MTA3: variants seen among roughly 807,000 people sequenced by gnomAD.
MTA3 encodes metastasis associated 1 family member 3, also known as metastasis-associated protein MTA3.
A neutral mutation model predicts 83.5 loss-of-function variants in MTA3; 34 were observed. The ratio of observed to expected loss-of-function variants is 0.41; its 90% CI spans 0.31 to 0.54. The LOEUF (loss-of-function observed/expected upper bound fraction) is 0.54. Among genes scored for constraint, MTA3 ranks in the 20% least tolerant of loss-of-function variants. MTA3 has a pLI of 0.33. For synonymous variants in MTA3, 303 were observed against 252.7 expected (o/e 1.20, Z -1.89); for missense variants, 761 against 726.4 (o/e 1.05, Z -0.55).
chr2:42,697,601 A>G (rs1392359632), intron 10 of MTA3, among the ~76,000 whole-genome samples, 175 bp from the exon 11 acceptor site: 1 of 152,204 alleles, frequency 6.6e-6, no homozygotes, highest in East Asian at 1.9e-4. Flanking sequence ...CACAGAATCT[A>G]GTGACTTTTC....
chr2:42,623,446 G>T (rs1379547067), intron 4 of MTA3, among the ~76,000 whole-genome samples: 2 of 152,170 alleles, frequency 1.3e-5, no homozygotes, highest in Non-Finnish European at 2.9e-5. Context: ...ATGTCACGCC[G>T]CTGTCTTTGG....
At chr2:42,607,853 AG>A (rs1489023489) in intron 3 of MTA3, among the ~76,000 whole-genome samples, 1 of 152,190 alleles carries the variant, frequency 6.6e-6, no homozygotes, top group Non-Finnish European at 1.5e-5. Context: ...CAGGAGGCTG[AG>A]GCAGGAGAAT....
intron 11 of MTA3, among the ~76,000 whole-genome samples, chr2:42,700,690 TA>T (rs545835439): frequency 8.9e-4 from 136 of 152,276 alleles, no homozygotes; most frequent in African/African-American, 3.1e-3. Context: ...AGTAGATTTT[TA>T]AAAAAAGGAA....
At chr2:42,509,573 C>T (rs574725876) in intron 2 of MTA3, among the ~76,000 whole-genome samples, 1 of 152,016 alleles carries the variant, frequency 6.6e-6, no homozygotes, top group South Asian at 2.1e-4. Flanking sequence ...TGTTTGAGAC[C>T]AGTATGGGCA....
At chr2:42,574,057 C>T (rs570548951) in intron 2 of MTA3, among the ~76,000 whole-genome samples, 32 of 150,098 alleles carry the variant, frequency 2.1e-4, no homozygotes, top group African/African-American at 6.4e-4. Context: ...AGGATGGTCT[C>T]GATCTCCTGA....
intron 2 of MTA3, among the ~76,000 whole-genome samples, chr2:42,498,241 G>C (rs1674235379): frequency 6.6e-6 from 1 of 152,202 alleles, no homozygotes; most frequent in Admixed American, 6.5e-5. Flanking sequence ...TTTAAAGACA[G>C]CTTTTCGAAT....
rs566602218 is a variant in MTA3 at position 42,745,526 on chromosome 2, C to T, written c.1760-7848C>T. Among the ~76,000 whole-genome samples, 12 of 152,242 alleles carry T rather than the reference C, an allele frequency of 7.9e-5. No individual in the cohort carries two copies. The East Asian group carries it at 1.9e-3, about 24-fold the overall frequency. ...CTACTTTCTGGGAGACTTTCTCAAC[C>T]TTTTTAAAAAATAGTTTTTAAAATT... On this transcript the variant is annotated intron_variant, in intron 16 of 16. Transcript: ENST00000405094.
intron 8 of MTA3, among the ~76,000 whole-genome samples, chr2:42,662,004 T>A: frequency 6.6e-6 from 1 of 152,316 alleles, no homozygotes; most frequent in South Asian, 2.1e-4. Flanking sequence ...TTGTATTATT[T>A]ATTATTCCAA....
At chr2:42,586,157 A>G (rs936560605) in intron 3 of MTA3, among the ~76,000 whole-genome samples, 2 of 151,828 alleles carry the variant, frequency 1.3e-5, no homozygotes, top group African/African-American at 4.8e-5. Flanking sequence ...CATGCCTGTA[A>G]TTCCAGCTGC....
chr2:42,748,771 G>A (rs1669639003), intron 16 of MTA3, among the ~76,000 whole-genome samples: 1 of 152,134 alleles, frequency 6.6e-6, no homozygotes, highest in Non-Finnish European at 1.5e-5. Flanking sequence ...TGCATACTGG[G>A]TCAGTGTGAA....
At chr2:42,741,880 G>C (rs1669060929) in intron 16 of MTA3, among the ~76,000 whole-genome samples, 2 of 152,270 alleles carry the variant, frequency 1.3e-5, no homozygotes, top group African/African-American at 4.8e-5. Flanking sequence ...AGAGACATTA[G>C]GTGAGCACGT....
chr2:42,516,879 C>CTT (rs1675168655), intron 2 of MTA3, among the ~76,000 whole-genome samples: 1 of 152,170 alleles, frequency 6.6e-6, no homozygotes, highest in African/African-American at 2.4e-5. Context: ...CGTCACAGCA[C>CTT]TTTGAGAGGC....
chr2:42,608,654 A>C (rs1174729206), intron 3 of MTA3, among the ~76,000 whole-genome samples: 9 of 152,130 alleles, frequency 5.9e-5, no homozygotes, highest in Non-Finnish European at 1.3e-4. Context: ...AGGCCAAAGC[A>C]GGCAGATCAC....
intron 16 of MTA3, among the ~76,000 whole-genome samples, chr2:42,752,848 C>T (rs879520753): frequency 2.6e-5 from 4 of 152,228 alleles, no homozygotes; most frequent in African/African-American, 4.8e-5. Context: ...AAGATCTTTC[C>T]GTCCTTCAGT....
chr2:42,584,984 T>G (rs1334253007), intron 3 of MTA3, among the ~76,000 whole-genome samples: 2 of 151,732 alleles, frequency 1.3e-5, no homozygotes, highest in Non-Finnish European at 2.9e-5. Context: ...TAGGCTTGAG[T>G]GCAGTGGCAC....
At chr2:42,636,386 A>T (rs961169817) in intron 4 of MTA3, among the ~76,000 whole-genome samples, 81 of 151,932 alleles carry the variant, frequency 5.3e-4, no homozygotes, top group Non-Finnish European at 1.1e-3. Flanking sequence ...CAAAGAATTT[A>T]AAAAAAATTA....
chr2:42,628,601 C>T (rs1303054136), intron 4 of MTA3, among the ~76,000 whole-genome samples: 1 of 152,158 alleles, frequency 6.6e-6, no homozygotes, highest in Non-Finnish European at 1.5e-5. Flanking sequence ...TCATTTAATT[C>T]ATTATTCTGT....
chr2:42,555,140 A>C (rs902123947), intron 2 of MTA3, among the ~76,000 whole-genome samples: 1 of 150,798 alleles, frequency 6.6e-6, no homozygotes, highest in African/African-American at 2.4e-5. Context: ...GGTGACAACT[A>C]ACATAGGAAA....
intron 3 of MTA3, among the ~76,000 whole-genome samples, chr2:42,606,443 C>A (rs1248710019): frequency 6.7e-6 from 1 of 149,220 alleles, no homozygotes; most frequent in South Asian, 2.1e-4. Context: ...CAGAGGCGCT[C>A]CCCACATCTC....
Sources: gnomAD v4.1 joint callset for allele counts (sites outside exome capture counted in the v4.1 genomes callset) on GRCh38, gnomAD v4.1.1 for gene constraint, MANE v1.5 for transcripts, NCBI Gene and HGNC (gene_info 2026-07-23, HGNC 2026-07-21) for gene names.